Variants in MTMR3 observed in about 807,000 individuals in gnomAD.
MTMR3 encodes the protein myotubularin related protein 3.
A neutral mutation model predicts 132.4 loss-of-function variants in MTMR3; 32 were observed. The ratio of observed to expected loss-of-function variants is 0.24; its 90% CI spans 0.18 to 0.32. MTMR3 has a LOEUF of 0.32. Ranked by LOEUF, MTMR3 falls within the 10% of genes least tolerant of loss-of-function variation. The pLI, the probability that MTMR3 is intolerant of heterozygous loss-of-function variation, is 1.00. For synonymous variants in MTMR3, 556 were observed against 550.3 expected, an observed-to-expected ratio of 1.01 and a Z score of -0.14; for missense variants, 1,216 against 1,489.6, an observed-to-expected ratio of 0.82 and a Z score of 3.02.
intron 1 of MTMR3, among the ~76,000 whole-genome samples, chr22:29,953,437 A>C (rs1284093107): frequency 3.9e-5 from 6 of 152,124 alleles, no homozygotes; most frequent in Admixed American, 1.3e-4. Flanking sequence ...GATCACATAA[A>C]CAGTTCTGTG....
intron 1 of MTMR3, among the ~76,000 whole-genome samples, chr22:29,929,166 A>G (rs188312045): frequency 3.2e-4 from 48 of 152,158 alleles, no homozygotes; most frequent in Admixed American, 1.9e-3. Context: ...CTGTAATCCC[A>G]GCTACTCGGG....
chr22:29,883,530 G>T (rs535448642), intron 1 of MTMR3, among the ~76,000 whole-genome samples, 171 bp downstream of exon 1: 1 of 152,204 alleles, frequency 6.6e-6, no homozygotes, highest in East Asian at 1.9e-4. Context: ...CCCGGCGGCT[G>T]TCGCCGCCAG....
At chr22:30,021,467 A>AG (rs5844885) in intron 17 of MTMR3, 43,056 of 157,722 alleles carry the variant, frequency 0.27, 6,056 homozygotes, top group Middle Eastern at 0.39. Context: ...GAGGTTCTCA[A>AG]GGAGGTGCTT....
intron 12 of MTMR3, chr22:30,009,397 A>C (rs2067353262): frequency 5.2e-6 from 2 of 384,216 alleles, no homozygotes; most frequent in Non-Finnish European, 9.5e-6. Flanking sequence ...CTCAGCATCA[A>C]AACAGAAGCA....
chr22:29,897,435 G>A (rs1204158840), intron 1 of MTMR3, among the ~76,000 whole-genome samples: 3 of 151,824 alleles, frequency 2.0e-5, no homozygotes, highest in African/African-American at 7.3e-5. Flanking sequence ...GTGTATTTAA[G>A]TATGTTTTTA....
chr22:30,029,279 T>C lies in MTMR3; in HGVS notation c.*3478T>C, dbSNP rs1435409651. ...TTCCTATCCTGGCACTCTCGTTACCTTTCTTCTATACCTTGGCCTCTGTAA... is the reference window on the plus strand; with the variant it reads ...TTCCTATCCTGGCACTCTCGTTACCCTTCTTCTATACCTTGGCCTCTGTAA... On this transcript the variant is annotated 3_prime_UTR_variant, in exon 20 of 20. Coordinates refer to ENST00000401950, the MANE Select transcript of MTMR3 (RefSeq NM_021090.4). 1 of 152,378 alleles carries C rather than the reference T, an allele frequency of 6.6e-6. No homozygotes were observed. Among genetic ancestry groups the C allele is most frequent in the Non-Finnish European group, 1.5e-5 (1 of 68,056 alleles). 9.4% of individuals were successfully genotyped at this position (152,378 alleles called of 1,614,324 possible). A position where few individuals can be genotyped will look rare whatever the true frequency, so the allele number is the denominator to read the frequency against.
chr22:29,943,299 T>A (rs36602), intron 1 of MTMR3, among the ~76,000 whole-genome samples: 11,764 of 151,986 alleles, frequency 0.077, 532 homozygotes, highest in African/African-American at 0.092. Flanking sequence ...TTCATGCCAT[T>A]CTCCTGCCTC....
At chr22:29,951,336 C>T (rs1039578246) in intron 1 of MTMR3, among the ~76,000 whole-genome samples, 1 of 152,036 alleles carries the variant, frequency 6.6e-6, no homozygotes, top group African/African-American at 2.4e-5. Flanking sequence ...TTCCCCTACC[C>T]CCTATCTCTT....
rs187045203 is a variant in MTMR3, at chr22:29,932,707, G to A, written c.-137-24329G>A. ...ATGTGATGAATGTTCATGTACCTACGACCTAATTTAACAAATATTTATCCC... is the reference window on the plus strand; with the variant it reads ...ATGTGATGAATGTTCATGTACCTACAACCTAATTTAACAAATATTTATCCC... On this transcript the variant is annotated intron_variant, in intron 1 of 19. Coordinates refer to ENST00000401950, the MANE Select transcript of MTMR3 (RefSeq NM_021090.4). 4.6e-3 allele frequency among the ~76,000 whole-genome samples: 698 copies of A among 152,144 alleles called. 6 individuals carry two copies. The highest frequency in any genetic ancestry group is 0.016 in the African/African-American group (647 of 41,514).
At chr22:29,896,463 C>T (rs1261034773) in intron 1 of MTMR3, among the ~76,000 whole-genome samples, 2 of 152,238 alleles carry the variant, frequency 1.3e-5, no homozygotes, top group Non-Finnish European at 1.5e-5. Context: ...TTGGTCATTG[C>T]CAACTTCTGG....
At chr22:29,889,030 T>C (rs1415252433) in intron 1 of MTMR3, among the ~76,000 whole-genome samples, 1 of 152,062 alleles carries the variant, frequency 6.6e-6, no homozygotes, top group African/African-American at 2.4e-5. Flanking sequence ...AATCATGACA[T>C]AACTGGCAAG....
intron 2 of MTMR3, among the ~76,000 whole-genome samples, chr22:29,959,676 C>T (rs2066270710): frequency 1.3e-5 from 2 of 152,086 alleles, no homozygotes; most frequent in African/African-American, 4.8e-5. Context: ...ACTGTGCTGG[C>T]CAGAAACGTA....
At chr22:29,988,153 T>C (rs1446704361) in intron 5 of MTMR3, 1 of 166,496 alleles carries the variant, frequency 6.0e-6, no homozygotes, top group African/African-American at 2.4e-5. Flanking sequence ...TTGCAAATCA[T>C]AGTCAGTTAT....
chr22:29,982,338 C>T (rs903244222), intron 5 of MTMR3: 9 of 150,932 alleles, frequency 6.0e-5, no homozygotes, highest in African/African-American at 2.2e-4. Context: ...CCTGGAGGTA[C>T]TTAGGAAACA....
At chr22:30,018,706 C>T (rs1364019931) in intron 16 of MTMR3, 1 of 151,444 alleles carries the variant, frequency 6.6e-6, no homozygotes, top group Admixed American at 6.6e-5. Flanking sequence ...CCATTGCACT[C>T]CAGCCTGGAT....
At chr22:29,896,475 C>T (rs376667652) in intron 1 of MTMR3, among the ~76,000 whole-genome samples, 45 of 152,052 alleles carry the variant, frequency 3.0e-4, no homozygotes, top group African/African-American at 9.7e-4. Context: ...AACTTCTGGC[C>T]GGCCACTACA....
At chr22:29,994,163 A>G (rs2067015931) in intron 7 of MTMR3, 9 of 983,616 alleles carry the variant, frequency 9.1e-6, no homozygotes, top group Admixed American at 6.1e-5. Context: ...AAATTATGCA[A>G]CTACAAGGTA....
intron 9 of MTMR3, chr22:30,003,949 G>GT: frequency 6.6e-6 from 1 of 152,184 alleles, no homozygotes; most frequent in Admixed American, 6.5e-5. Context: ...GTGGCTTACA[G>GT]TTAGAAACTT....
rs1243870389 is a variant in MTMR3 at position 29,978,511 on chromosome 22, C to A, written c.73C>A (p.Arg25=). The change falls in exon 4 of 20, where the codon CGG becomes AGG. Residue 25 remains arginine (R), a synonymous_variant. Transcript: ENST00000401950. ...GATCTTTCCCAGGAAGCAGCTGATC[C>A]GGGAGGATGAGAATCTTCAGGTAAT... ...NQIFPRKQLI[R]EDENLQVPFL... is the part of the protein sequence containing the mutation. 6.2e-7 allele frequency: 1 copy of A among 1,613,126 alleles called. No individual in the cohort carries two copies. Among genetic ancestry groups the A allele is most frequent in the Admixed American group, 1.7e-5 (1 of 59,962 alleles).
Sources: allele counts gnomAD v4.1 joint callset (sites outside exome capture counted in the v4.1 genomes callset), GRCh38; gene constraint gnomAD v4.1.1; transcripts MANE v1.5; gene names NCBI Gene and HGNC (gene_info 2026-07-23, HGNC 2026-07-21).